NRG1: variants seen among roughly 807,000 people sequenced by gnomAD.
NRG1 encodes the protein pro-neuregulin-1, membrane-bound isoform.
A neutral mutation model predicts 63.8 loss-of-function variants in NRG1; 18 were observed. That is an observed-to-expected ratio of 0.28 (90% CI 0.19 to 0.42). The LOEUF is 0.42. Ranked by LOEUF, NRG1 falls within the 10% of genes least tolerant of loss-of-function variation. NRG1 has a pLI of 1.00. For missense variants in NRG1, 762 were observed against 814.7 expected (o/e 0.94, Z 0.79); for synonymous variants, 302 against 301.3 (o/e 1.00, Z -0.02).
At chr8:31,680,215 TG>T (rs1808176314) in intron 1 of NRG1, among the ~76,000 whole-genome samples, 1 of 151,980 alleles carries the variant, frequency 6.6e-6, no homozygotes, top group South Asian at 2.1e-4. Context: ...TATGTATACA[TG>T]TGCCATGCTG....
chr8:32,332,910 A>G (rs1423037353), intron 1 of NRG1, among the ~76,000 whole-genome samples: 1 of 152,252 alleles, frequency 6.6e-6, no homozygotes, highest in Non-Finnish European at 1.5e-5. Flanking sequence ...TAAAAGTTAA[A>G]TCAATGACTA....
At chr8:32,265,742 C>T (rs949393223) in intron 1 of NRG1, among the ~76,000 whole-genome samples, 40 of 152,028 alleles carry the variant, frequency 2.6e-4, no homozygotes, top group Middle Eastern at 3.4e-3. Context: ...ACTGGGGAGG[C>T]TGAGATGGGA....
At chr8:32,328,111 T>C (rs961785620) in intron 1 of NRG1, among the ~76,000 whole-genome samples, 2 of 152,154 alleles carry the variant, frequency 1.3e-5, no homozygotes, top group South Asian at 2.1e-4. Flanking sequence ...TGAGACAGCA[T>C]CTTTTAAGCA....
In NRG1 at chr8:32,185,775, C is replaced by T. The variant is rs1841907923; in HGVS notation, c.38-410053C>T. ...TCTCACCAGTGAAAACCCATGGGAA[C>T]AGTTAATAATTCCATGACTAAGGCT... On this transcript the variant is annotated intron_variant, in intron 1 of 10. Coordinates refer to the NRG1 transcript ENST00000519301. 3.3e-5 allele frequency among the ~76,000 whole-genome samples: 5 copies of T among 152,278 alleles called. No individual in the cohort carries two copies. The South Asian group carries it at 1.0e-3, about 32-fold the overall frequency.
chr8:32,529,148 A>G (rs1439554914), intron 1 of NRG1, among the ~76,000 whole-genome samples: 1 of 152,242 alleles, frequency 6.6e-6, no homozygotes. Context: ...GCAAATCCAT[A>G]CAGCCTGCTA....
At chr8:31,881,910 AT>A (rs1219857342) in intron 1 of NRG1, among the ~76,000 whole-genome samples, 3 of 152,206 alleles carry the variant, frequency 2.0e-5, no homozygotes, top group African/African-American at 7.2e-5. Context: ...TCCTCATAGC[AT>A]AAAAGTGCAA....
chr8:31,858,297 T>TC (rs1828129077), intron 1 of NRG1, among the ~76,000 whole-genome samples: 1 of 143,390 alleles, frequency 7.0e-6, no homozygotes, highest in African/African-American at 2.7e-5. Context: ...AGACTCCGTC[T>TC]CAAAAAAAAA....
intron 1 of NRG1, among the ~76,000 whole-genome samples, chr8:32,536,671 C>G (rs1832001230): frequency 6.6e-6 from 1 of 151,952 alleles, no homozygotes; most frequent in African/African-American, 2.4e-5. Context: ...GCCTGTAATC[C>G]CAGCACTTTG....
rs533013906 is a variant in NRG1 at position 32,271,116 on chromosome 8, C to T, written c.38-324712C>T. Reference sequence around the variant, plus strand: ...TCAAAATCTCACTTTTTTCCTTTACCTTTTCAGCCCTGCTTCAGCCCTAGG... The same window carrying T: ...TCAAAATCTCACTTTTTTCCTTTACTTTTTCAGCCCTGCTTCAGCCCTAGG... On this transcript the variant is annotated intron_variant, in intron 1 of 10. Coordinates refer to the NRG1 transcript ENST00000519301. 1.6e-3 allele frequency among the ~76,000 whole-genome samples: 249 copies of T among 151,922 alleles called. 2 individuals are homozygous for T. Among genetic ancestry groups the T allele is most frequent in the South Asian group, 7.1e-3 (34 of 4,808 alleles).
intron 7 of NRG1, among the ~76,000 whole-genome samples, chr8:32,743,546 C>CAT (rs1258014038): frequency 1.2e-4 from 13 of 107,472 alleles, no homozygotes; most frequent in Admixed American, 1.2e-3. Flanking sequence ...CGTGTATATA[C>CAT]ATATATATAT....
At chr8:32,209,325 G>A (rs944165224) in intron 1 of NRG1, among the ~76,000 whole-genome samples, 2 of 151,970 alleles carry the variant, frequency 1.3e-5, no homozygotes, top group East Asian at 3.8e-4. Flanking sequence ...TTTAAAAATA[G>A]ATAAGTAAAT....
rs759289569 is a variant in NRG1 at position 32,244,279 on chromosome 8, C to T, written c.38-351549C>T. 5.9e-5 allele frequency among the ~76,000 whole-genome samples: 9 copies of T among 152,052 alleles called. No individual in the cohort carries two copies. The East Asian group carries it at 1.2e-3, about 20-fold the overall frequency. On this transcript the variant is annotated intron_variant, in intron 1 of 10. Coordinates refer to the NRG1 transcript ENST00000519301. The stretch of plus-strand genomic sequence containing the variant: ...TGATTTTCAGATCATTCCTTAGGAG[C>T]GTTGAGGCTGAGAAGTGGTCTTTGC...
At position 32,661,809 on chromosome 8, in the gene NRG1, A is replaced by G. The variant is rs995141896; in HGVS notation, c.502+44924A>G. On this transcript the variant is annotated intron_variant, in intron 5 of 11. Coordinates refer to ENST00000356819, the Ensembl canonical transcript of NRG1. ...ACCAGAAATCATATACTATCTTAGCAGGCAGTACATCATATGGGGAAAATA... is the reference window on the plus strand; with the variant it reads ...ACCAGAAATCATATACTATCTTAGCGGGCAGTACATCATATGGGGAAAATA... 2.6e-5 allele frequency among the ~76,000 whole-genome samples: 4 copies of G among 152,280 alleles called. No individual in the cohort carries two copies. The South Asian group carries it at 8.3e-4, about 32-fold the overall frequency.
chr8:32,209,688 ATTTC>A (rs915278937), intron 1 of NRG1, among the ~76,000 whole-genome samples: 9 of 151,818 alleles, frequency 5.9e-5, no homozygotes, highest in Admixed American at 1.3e-4. Context: ...CCACATGTGA[ATTTC>A]TTTCTTTCTT....
intron 1 of NRG1, among the ~76,000 whole-genome samples, chr8:32,448,496 G>A (rs1343037121): frequency 6.6e-6 from 1 of 152,120 alleles, no homozygotes. Context: ...TCTTTTAGCT[G>A]GCCCGAGTCT....
intron 1 of NRG1, among the ~76,000 whole-genome samples, chr8:31,951,643 G>A (rs191002560): frequency 3.9e-5 from 6 of 152,238 alleles, no homozygotes; most frequent in African/African-American, 1.2e-4. Flanking sequence ...GCCATGCTAG[G>A]AAATCTATTC....
intron 1 of NRG1, among the ~76,000 whole-genome samples, chr8:31,951,449 A>G (rs887959281): frequency 6.6e-6 from 1 of 151,614 alleles, no homozygotes; most frequent in Non-Finnish European, 1.5e-5. Flanking sequence ...TCCTCTAGGG[A>G]AAAAAAAAGT....
At chr8:31,698,492 G>A (rs1810314121) in intron 1 of NRG1, among the ~76,000 whole-genome samples, 1 of 152,172 alleles carries the variant, frequency 6.6e-6, no homozygotes, top group Non-Finnish European at 1.5e-5. Context: ...AGAGCCCTTA[G>A]GCTAACTTTC....
intron 1 of NRG1, among the ~76,000 whole-genome samples, chr8:32,131,974 A>G (rs1353977537): frequency 6.6e-6 from 1 of 152,102 alleles, no homozygotes; most frequent in African/African-American, 2.4e-5. Context: ...ACTAAAAGAT[A>G]TATTTAAAGG....
Sources: gnomAD v4.1 joint callset for allele counts (sites outside exome capture counted in the v4.1 genomes callset) on GRCh38, gnomAD v4.1.1 for gene constraint, MANE v1.5 for transcripts, NCBI Gene and HGNC (gene_info 2026-07-23, HGNC 2026-07-21) for gene names.